The following CLEC4C variants were observed in gnomAD, a reference collection of about 807,000 sequenced individuals.
CLEC4C encodes C-type (calcium dependent, carbohydrate-recognition domain) lectin, superfamily member 11.
A neutral mutation model predicts 27.7 loss-of-function variants in CLEC4C; 17 were observed. That is an observed-to-expected ratio of 0.61 (90% CI 0.42 to 0.92). CLEC4C has a LOEUF of 0.92. Ranked by LOEUF, CLEC4C falls within the 40% of genes least tolerant of loss-of-function variation. CLEC4C has a pLI of 0.00. For missense variants in CLEC4C, 244 were observed against 257.3 expected, an observed-to-expected ratio of 0.95 and a Z score of 0.35; for synonymous variants, 80 against 80.8, an observed-to-expected ratio of 0.99 and a Z score of 0.06.
intron 4 of CLEC4C, 84 bp downstream of exon 4, chr12:7,737,345 T>C: frequency 5.2e-6 from 6 of 1,150,202 alleles, no homozygotes; most frequent in Non-Finnish European, 6.9e-6. Flanking sequence ...TTTCCTGTCT[T>C]TGAACTTTCA....
rs1864756552 is a variant in CLEC4C, at chr12:7,737,525, G to A, written c.285C>T (p.Tyr95=). Residue 95 remains tyrosine (Y), a synonymous_variant, in exon 4 of 6, where the codon TAC becomes TAT. Coordinates refer to ENST00000360345, the MANE Select transcript of CLEC4C (RefSeq NM_001371390.1). The part of the protein sequence containing the change: ...TPWTSFQSSC[Y]FISTGMQSWT... Reference sequence around the variant, plus strand: ...AAGATTGCATCCCAGTAGAAATAAAGTAGCAACTAGACTGAAATGAAGTCC... The same window carrying A: ...AAGATTGCATCCCAGTAGAAATAAAATAGCAACTAGACTGAAATGAAGTCC... The A allele has an allele frequency of 6.2e-7, 1 of 1,613,804 alleles. No homozygotes were observed. Among genetic ancestry groups the A allele is most frequent in the Admixed American group, 1.7e-5 (1 of 59,950 alleles).
chr12:7,735,837 C>CA (rs1233340223), intron 4 of CLEC4C, among the ~76,000 whole-genome samples: 33 of 151,392 alleles, frequency 2.2e-4, no homozygotes, highest in African/African-American at 7.8e-4. Flanking sequence ...CCAGTAACAG[C>CA]AAAAAAACAA....
chr12:7,740,201 C>G (rs865996776), intron 3 of CLEC4C, among the ~76,000 whole-genome samples: 36 of 151,938 alleles, frequency 2.4e-4, no homozygotes, highest in African/African-American at 8.4e-4. Context: ...TGGTTTCAAG[C>G]TCCCGTGCTT....
chr12:7,748,029 GT>G (rs1197351205), upstream of CLEC4C, among the ~76,000 whole-genome samples: 7 of 151,970 alleles, frequency 4.6e-5, no homozygotes, highest in Non-Finnish European at 1.0e-4. Context: ...AAGTCCTGGG[GT>G]TACCGTTGTG....
chr12:7,745,804 T>C (rs1864961121), intron 2 of CLEC4C, among the ~76,000 whole-genome samples: 2 of 151,952 alleles, frequency 1.3e-5, no homozygotes, highest in East Asian at 1.9e-4. Flanking sequence ...AAAATGCAAC[T>C]AAAACCAGGC....
At chr12:7,735,363 C>G (rs1224462059) in intron 4 of CLEC4C, among the ~76,000 whole-genome samples, 1 of 148,820 alleles carries the variant, frequency 6.7e-6, no homozygotes, top group Non-Finnish European at 1.5e-5. Context: ...ATTAGCTGGG[C>G]GTGGTTGCAG....
At position 7,729,589 on chromosome 12, in the gene CLEC4C, A is replaced by G. The variant is rs190489616; in HGVS notation, c.*7T>C. ...ACCCAAACACATTTCCAGGGAGAAT[A>G]TTTCATTTATATGTAGATCTTCTTC... is the stretch of plus-strand genomic sequence containing the variant. On this transcript the variant is annotated 3_prime_UTR_variant, in exon 6 of 6. Transcript: ENST00000360345. 33 of 1,611,888 alleles carry G rather than the reference A, an allele frequency of 2.0e-5. No homozygotes were observed. The highest frequency in any genetic ancestry group is 6.7e-5 in the Admixed American group (4 of 59,732).
At chr12:7,748,470 G>A (rs187785666), upstream of CLEC4C, among the ~76,000 whole-genome samples, 562 of 152,080 alleles carry the variant, frequency 3.7e-3, no homozygotes, top group Admixed American at 7.3e-3. Context: ...AGCTTACAGT[G>A]AGCCGAGATC....
chr12:7,735,518 A>AAC (rs1864705015), intron 4 of CLEC4C, among the ~76,000 whole-genome samples: 1 of 149,536 alleles, frequency 6.7e-6, no homozygotes, highest in Admixed American at 6.7e-5. Flanking sequence ...AAAAAAAAAA[A>AAC]AAAAACGGCC....
At chr12:7,734,501 C>CAAA (rs1237337637) in intron 4 of CLEC4C, among the ~76,000 whole-genome samples, 2 of 150,844 alleles carry the variant, frequency 1.3e-5, no homozygotes, top group Admixed American at 1.3e-4. Context: ...AGGCATGTGG[C>CAAA]AAAAGCAAAT....
At chr12:7,744,612 A>G (rs1200819665) in intron 2 of CLEC4C, among the ~76,000 whole-genome samples, 1 of 152,028 alleles carries the variant, frequency 6.6e-6, no homozygotes, top group Non-Finnish European at 1.5e-5. Flanking sequence ...CTGTATAAAC[A>G]TTTATTTTTA....
At chr12:7,730,983 C>CT in intron 4 of CLEC4C, 71 bp from the exon 5 acceptor site, 2 of 734,904 alleles carry the variant, frequency 2.7e-6, no homozygotes, top group Admixed American at 3.9e-5. Flanking sequence ...AACACCGCCA[C>CT]TTTAAGTTCC....
rs148061585 is a variant in CLEC4C at position 7,746,254 on chromosome 12, C to A, written c.124+77G>T. 7.7e-4 allele frequency: 594 copies of A among 767,744 alleles called. 2 individuals carry two copies. The African/African-American group carries it at 8.9e-3, about 11-fold the overall frequency. 47.6% of individuals were successfully genotyped at this position (767,744 alleles called of 1,614,324 possible). On this transcript the variant is annotated intron_variant, in intron 2 of 5. Transcript: ENST00000360345. ...AAAAAGAAAAAAAAAGAAAGAGGAA[C>A]GTGTTTCTTCAGGAAATTGATAAAA... is the stretch of plus-strand genomic sequence containing the variant.
chr12:7,736,784 C>G (rs1327933030), intron 4 of CLEC4C, among the ~76,000 whole-genome samples: 1 of 152,028 alleles, frequency 6.6e-6, no homozygotes, highest in South Asian at 2.1e-4. Flanking sequence ...TGGCAGGTGC[C>G]TGTAGTCCCA....
chr12:7,743,615 G>A (rs779301657), intron 2 of CLEC4C, among the ~76,000 whole-genome samples: 30 of 151,700 alleles, frequency 2.0e-4, no homozygotes, highest in Middle Eastern at 3.4e-3. Context: ...TCCTGACCTC[G>A]TGATCCGTCC....
intron 5 of CLEC4C, 74 bp downstream of exon 5, chr12:7,730,723 C>T: frequency 2.9e-6 from 2 of 694,812 alleles, no homozygotes; most frequent in South Asian, 1.7e-5. Context: ...TGTTTGTTTG[C>T]TTAATAGCTG....
chr12:7,729,507 A>G lies in CLEC4C; in HGVS notation c.*89T>C. ...GAAACATTTTAGGGGCATTCCTTGT[A>G]CAAAACTTACACATAAATTAAAAAA... On this transcript the variant is annotated 3_prime_UTR_variant, in exon 6 of 6. Transcript: ENST00000360345. The G allele has an allele frequency of 7.8e-7, 1 of 1,274,416 alleles. No individual in the cohort carries two copies. Among genetic ancestry groups the G allele is most frequent in the Non-Finnish European group, 1.1e-6 (1 of 906,944 alleles). 78.9% of individuals were successfully genotyped at this position (1,274,416 alleles called of 1,614,324 possible).
chr12:7,737,540 A>C lies in CLEC4C; in HGVS notation c.270T>G (p.Phe90Leu). Residue 90 changes from phenylalanine (F) to leucine (L), a missense_variant, in exon 4 of 6, where the codon TTT becomes TTG. Phe to Leu is a conservative substitution (Grantham distance 22). Transcript: ENST00000360345. ...TAGAAATAAAGTAGCAACTAGACTG[A>C]AATGAAGTCCAAGGGGTTGGGCAGC... ...WSCCPTPWTS[F>L]QSSCYFISTG... 1 of 1,614,024 alleles carries C rather than the reference A, an allele frequency of 6.2e-7. No individual in the cohort carries two copies. The highest frequency in any genetic ancestry group is 1.1e-5 in the South Asian group (1 of 91,074).
intron 3 of CLEC4C, among the ~76,000 whole-genome samples, chr12:7,738,534 C>CTT (rs746196437): frequency 6.6e-6 from 1 of 152,132 alleles, no homozygotes; most frequent in African/African-American, 2.4e-5. Flanking sequence ...CAGGATCATG[C>CTT]TTTGTCATCT....
Sources: gnomAD v4.1 joint callset for allele counts (sites outside exome capture counted in the v4.1 genomes callset) on GRCh38, gnomAD v4.1.1 for gene constraint, MANE v1.5 for transcripts, NCBI Gene and HGNC (gene_info 2026-07-23, HGNC 2026-07-21) for gene names.